The following EXOC4 variants were observed in gnomAD, a reference collection of about 807,000 sequenced individuals.
The protein encoded by EXOC4 is exocyst complex component 4.
A neutral mutation model predicts 107.2 loss-of-function variants in EXOC4; 71 were observed. The observed-to-expected ratio is 0.66, with a 90% CI of 0.55 to 0.81. The LOEUF (loss-of-function observed/expected upper bound fraction) is 0.81, where lower values mean the gene tolerates loss of function less well. EXOC4 is among the 30% of genes least tolerant of loss of function. The pLI, the probability that EXOC4 is intolerant of heterozygous loss-of-function variation, is 0.00. For missense variants in EXOC4, 1,108 were observed against 1,189.6 expected (o/e 0.93, Z 1.01); for synonymous variants, 456 against 441.2 (o/e 1.03, Z -0.42).
intron 14 of EXOC4, among the ~76,000 whole-genome samples, chr7:133,972,631 A>C (rs923508832): frequency 6.6e-6 from 1 of 152,262 alleles, no homozygotes; most frequent in Non-Finnish European, 1.5e-5. Flanking sequence ...GATCATTTAC[A>C]TATCTTTATA....
At chr7:133,739,192 C>T (rs1795508857) in intron 10 of EXOC4, among the ~76,000 whole-genome samples, 2 of 150,290 alleles carry the variant, frequency 1.3e-5, no homozygotes, top group African/African-American at 2.5e-5. Flanking sequence ...GTGACATCTA[C>T]CTACCTTACA....
chr7:133,640,089 A>G (rs768612507), intron 10 of EXOC4, among the ~76,000 whole-genome samples: 3 of 152,174 alleles, frequency 2.0e-5, no homozygotes, highest in Non-Finnish European at 4.4e-5. Flanking sequence ...GTATATTTAT[A>G]TGAATTTTTA....
intron 10 of EXOC4, among the ~76,000 whole-genome samples, chr7:133,800,817 T>TC (rs1165894235): frequency 6.6e-6 from 1 of 152,222 alleles, no homozygotes; most frequent in African/African-American, 2.4e-5. Flanking sequence ...CTATAAAGTG[T>TC]CAAGCATACA....
At chr7:133,885,130 A>G (rs1354558623) in intron 11 of EXOC4, among the ~76,000 whole-genome samples, 2 of 152,080 alleles carry the variant, frequency 1.3e-5, no homozygotes, top group African/African-American at 4.8e-5. Context: ...CCTGACTAAC[A>G]TGGTGAAACC....
intron 10 of EXOC4, among the ~76,000 whole-genome samples, chr7:133,788,966 A>C (rs1257335565): frequency 6.6e-6 from 1 of 152,052 alleles, no homozygotes; most frequent in Admixed American, 6.6e-5. Flanking sequence ...GATACCCTAC[A>C]CTGTCTCTAC....
At chr7:133,819,136 C>A (rs535470664) in intron 11 of EXOC4, among the ~76,000 whole-genome samples, 1 of 152,278 alleles carries the variant, frequency 6.6e-6, no homozygotes, top group South Asian at 2.1e-4. Context: ...CATTTCTTCT[C>A]CTTGCCTCTT....
chr7:133,833,925 A>G (rs944259938), intron 11 of EXOC4, among the ~76,000 whole-genome samples: 17 of 152,264 alleles, frequency 1.1e-4, no homozygotes, highest in African/African-American at 3.6e-4. Flanking sequence ...CCTCACTTAT[A>G]TACCAGTTAT....
chr7:133,974,772 T>C (rs545199138), intron 14 of EXOC4, among the ~76,000 whole-genome samples: 15 of 152,238 alleles, frequency 9.9e-5, no homozygotes, highest in Non-Finnish European at 2.1e-4. Context: ...AGCTTTTGAA[T>C]GTCCCTAAAG....
At chr7:133,260,984 A>C (rs957361197) in intron 1 of EXOC4, among the ~76,000 whole-genome samples, 2 of 152,110 alleles carry the variant, frequency 1.3e-5, no homozygotes, top group Non-Finnish European at 2.9e-5. Context: ...CTTTTCTGCT[A>C]TTCCTAATCT....
chr7:133,268,309 T>C (rs1396568092), intron 1 of EXOC4, among the ~76,000 whole-genome samples: 1 of 152,236 alleles, frequency 6.6e-6, no homozygotes, highest in Admixed American at 6.5e-5. Context: ...TTTGATATAG[T>C]TGATGAGGTA....
intron 12 of EXOC4, among the ~76,000 whole-genome samples, chr7:133,908,201 AAGAAAATACTC>A (rs1387433660): frequency 2.0e-5 from 3 of 152,248 alleles, no homozygotes; most frequent in Admixed American, 6.5e-5. Flanking sequence ...CTAGACTGGA[AAGAAAATACTC>A]AGTAAAGTAT....
intron 9 of EXOC4, among the ~76,000 whole-genome samples, chr7:133,524,850 A>C (rs1190089097): frequency 6.6e-6 from 1 of 152,136 alleles, no homozygotes; most frequent in Non-Finnish European, 1.5e-5. Context: ...TATATCTTTC[A>C]ACAGTGAGCT....
At chr7:133,911,623 G>A (rs1799697743) in intron 12 of EXOC4, among the ~76,000 whole-genome samples, 1 of 152,168 alleles carries the variant, frequency 6.6e-6, no homozygotes, top group South Asian at 2.1e-4. Context: ...AGTAAATAAT[G>A]TGGGTACCTT....
chr7:133,353,859 G>A (rs890184736), intron 5 of EXOC4, among the ~76,000 whole-genome samples: 10 of 151,372 alleles, frequency 6.6e-5, no homozygotes, highest in South Asian at 2.1e-4. Context: ...CTATCTTGAC[G>A]TTTGCTGATT....
At chr7:133,845,236 T>C (rs1370488163) in intron 11 of EXOC4, among the ~76,000 whole-genome samples, 1 of 151,954 alleles carries the variant, frequency 6.6e-6, no homozygotes, top group Non-Finnish European at 1.5e-5. Flanking sequence ...TCCTGTTGCC[T>C]GTTTTGTTTT....
chr7:134,067,552 A>C (rs1003360895), downstream of EXOC4, among the ~76,000 whole-genome samples: 4 of 151,932 alleles, frequency 2.6e-5, no homozygotes, highest in Admixed American at 6.6e-5. Flanking sequence ...TACTGAAAGA[A>C]TCTCTTTCAA....
chr7:133,673,111 A>AT (rs1793983582), intron 10 of EXOC4, among the ~76,000 whole-genome samples: 1 of 152,158 alleles, frequency 6.6e-6, no homozygotes, highest in South Asian at 2.1e-4. Context: ...GAGGAGCTGG[A>AT]TTGGAGATAG....
At chr7:133,484,102 C>G in intron 9 of EXOC4, 1 of 1,613,100 alleles carries the variant, frequency 6.2e-7, no homozygotes, top group Non-Finnish European at 8.5e-7. Context: ...TCAAATTTTA[C>G]AAAAGTTAAG....
At chr7:133,408,633 C>A (rs1653902248) in intron 7 of EXOC4, among the ~76,000 whole-genome samples, 1 of 151,992 alleles carries the variant, frequency 6.6e-6, no homozygotes, top group South Asian at 2.1e-4. Context: ...TTTGTCCTAA[C>A]CTCTGGGATG....
Sources: gnomAD v4.1 joint callset for allele counts (sites outside exome capture counted in the v4.1 genomes callset) on GRCh38, gnomAD v4.1.1 for gene constraint, MANE v1.5 for transcripts, NCBI Gene and HGNC (gene_info 2026-07-23, HGNC 2026-07-21) for gene names.